The following HPGD variants were observed in gnomAD, a reference collection of about 807,000 sequenced individuals.
HPGD encodes the protein 15-hydroxyprostaglandin dehydrogenase [NAD(+)].
In HPGD, 29 loss-of-function variants were observed where a neutral mutation model predicts 30.0. That is an observed-to-expected ratio of 0.97 (90% CI 0.72 to 1.32). The LOEUF (loss-of-function observed/expected upper bound fraction) is 1.32, where lower values mean the gene tolerates loss of function less well. Ranked by LOEUF, HPGD falls within the 40% of genes most tolerant of loss-of-function variation. The pLI is 0.00. For synonymous variants in HPGD, 99 were observed against 112.4 expected (o/e 0.88, Z 0.75); for missense variants, 340 against 322.1 (o/e 1.06, Z -0.43).
At chr4:174,516,246 C>T (rs1351002765) in intron 3 of HPGD, among the ~76,000 whole-genome samples, 6 of 152,030 alleles carry the variant, frequency 3.9e-5, no homozygotes, top group Admixed American at 3.9e-4. Flanking sequence ...AACCTAGATG[C>T]CCATCAACGG....
At chr4:174,499,496 T>C (rs989380749) in intron 4 of HPGD, among the ~76,000 whole-genome samples, 33 of 152,136 alleles carry the variant, frequency 2.2e-4, no homozygotes, top group African/African-American at 7.2e-4. Context: ...TACCACCTTG[T>C]TTCTCTTTTC....
chr4:174,495,703 A>G (rs1734565094), intron 4 of HPGD, 79 bp from the exon 5 acceptor site: 2 of 952,926 alleles, frequency 2.1e-6, no homozygotes, highest in Admixed American at 1.9e-5. Context: ...AATGCAAATG[A>G]ATATTTTGTG....
chr4:174,515,338 G>A (rs1735716223), intron 3 of HPGD, among the ~76,000 whole-genome samples: 1 of 152,100 alleles, frequency 6.6e-6, no homozygotes, highest in Non-Finnish European at 1.5e-5. Context: ...GAACAGCATG[G>A]AGAAGCCAGA....
chr4:174,512,346 T>C (rs544374869), intron 3 of HPGD, among the ~76,000 whole-genome samples: 1 of 152,330 alleles, frequency 6.6e-6, no homozygotes, highest in Non-Finnish European at 1.5e-5. Flanking sequence ...TATGTATATA[T>C]TTAAATAATT....
intron 3 of HPGD, among the ~76,000 whole-genome samples, chr4:174,512,775 G>A (rs1489683364): frequency 6.6e-6 from 1 of 152,154 alleles, no homozygotes; most frequent in African/African-American, 2.4e-5. Context: ...GCTGAAAAGT[G>A]GCCTATGTCA....
At chr4:174,511,005 G>A (rs1735462672) in intron 3 of HPGD, among the ~76,000 whole-genome samples, 1 of 152,118 alleles carries the variant, frequency 6.6e-6, no homozygotes, top group South Asian at 2.1e-4. Flanking sequence ...CTATGCAGTG[G>A]CACTGTGCTG....
intron 2 of HPGD, 65 bp from the exon 3 acceptor site, chr4:174,518,142 C>T: frequency 2.5e-6 from 2 of 808,922 alleles, no homozygotes; most frequent in South Asian, 3.0e-5. Flanking sequence ...AAATCATGTC[C>T]TATGCCATGA....
chr4:174,515,589 C>G (rs545819094), intron 3 of HPGD, among the ~76,000 whole-genome samples: 2 of 143,414 alleles, frequency 1.4e-5, no homozygotes, highest in African/African-American at 2.7e-5. Context: ...GATGAAGTCT[C>G]CAAAAGCAAT....
At chr4:174,519,117 T>A (rs1735943977) in intron 2 of HPGD, among the ~76,000 whole-genome samples, 2 of 152,232 alleles carry the variant, frequency 1.3e-5, no homozygotes, top group African/African-American at 4.8e-5. Context: ...ACTATGCTAG[T>A]TGTTTACTAA....
intron 3 of HPGD, among the ~76,000 whole-genome samples, chr4:174,512,989 C>T (rs1475610104): frequency 2.0e-5 from 3 of 152,202 alleles, no homozygotes; most frequent in Non-Finnish European, 4.4e-5. Flanking sequence ...TGGATGAAGA[C>T]ATCAGTCGAA....
chr4:174,513,523 A>G (rs562440812), intron 3 of HPGD, among the ~76,000 whole-genome samples: 2 of 152,178 alleles, frequency 1.3e-5, no homozygotes, highest in Admixed American at 1.3e-4. Context: ...AAGGAATAGA[A>G]AAAGAATAAA....
chr4:174,516,980 G>C (rs1735811209), intron 3 of HPGD, among the ~76,000 whole-genome samples: 1 of 152,192 alleles, frequency 6.6e-6, no homozygotes, highest in South Asian at 2.1e-4. Context: ...AGGATATCAT[G>C]AAGTAGGAGG....
rs1448035730 is a variant in HPGD at position 174,522,472 on chromosome 4, G to A, written c.-21C>T. On this transcript the variant is annotated 5_prime_UTR_variant, in exon 1 of 7. Transcript: ENST00000296522. Reference sequence around the variant, plus strand: ...TGCATGGTGCAGCCACTGCTGGGGCGGGCGGTGGGCGAGCTCCGCGTCTCC... The same window carrying A: ...TGCATGGTGCAGCCACTGCTGGGGCAGGCGGTGGGCGAGCTCCGCGTCTCC... 2.0e-6 allele frequency: 3 copies of A among 1,528,628 alleles called. No homozygotes were observed. The South Asian group carries it at 3.6e-5, about 18-fold the overall frequency. The allele number at this position is 1,528,628 out of a possible 1,614,324, so 94.7% of individuals were successfully genotyped here.
chr4:174,515,153 TA>T (rs887243976), intron 3 of HPGD, among the ~76,000 whole-genome samples: 2 of 151,784 alleles, frequency 1.3e-5, no homozygotes, highest in South Asian at 2.1e-4. Context: ...TCCACAGAAT[TA>T]AAAAAAACAA....
intron 3 of HPGD, among the ~76,000 whole-genome samples, chr4:174,509,722 G>A (rs1735380842): frequency 6.6e-6 from 1 of 152,154 alleles, no homozygotes; most frequent in Non-Finnish European, 1.5e-5. Context: ...ACTCCGTGTT[G>A]TGTGAAATCA....
At chr4:174,500,769 T>G (rs1043472203) in intron 4 of HPGD, among the ~76,000 whole-genome samples, 63 of 151,988 alleles carry the variant, frequency 4.1e-4, no homozygotes, top group African/African-American at 1.5e-3. Context: ...GAGAACAGGG[T>G]TTTTAGGGTA....
At chr4:174,509,200 C>T (rs1269356105) in intron 3 of HPGD, among the ~76,000 whole-genome samples, 1 of 152,196 alleles carries the variant, frequency 6.6e-6, no homozygotes, top group Non-Finnish European at 1.5e-5. Flanking sequence ...CCACACTTAA[C>T]TACTCTGTTT....
intron 4 of HPGD, among the ~76,000 whole-genome samples, chr4:174,497,568 C>CTTTTCTTTTT (rs1553998366): frequency 9.8e-5 from 5 of 51,114 alleles, no homozygotes; most frequent in African/African-American, 2.7e-4. Flanking sequence ...CTTTTTCTTT[C>CTTTTCTTTTT]TTTTTTTTTT....
At position 174,491,753 on chromosome 4, in the gene HPGD, C is replaced by T. The variant is rs879607069; in HGVS notation, c.*203G>A. The stretch of plus-strand genomic sequence containing the variant: ...TTAGACTATCAAGATTACAACCTAG[C>T]CTTTGGTCCACATCACATTTTTAAT... On this transcript the variant is annotated 3_prime_UTR_variant, in exon 7 of 7. Transcript: ENST00000296522. The T allele has an allele frequency of 1.8e-6, 1 of 546,848 alleles. No individual in the cohort carries two copies. Among genetic ancestry groups the T allele is most frequent in the Non-Finnish European group, 3.3e-6 (1 of 304,664 alleles). 33.9% of individuals were successfully genotyped at this position (546,848 alleles called of 1,614,324 possible).
Sources: gnomAD v4.1 joint callset for allele counts (sites outside exome capture counted in the v4.1 genomes callset) on GRCh38, gnomAD v4.1.1 for gene constraint, MANE v1.5 for transcripts, NCBI Gene and HGNC (gene_info 2026-07-23, HGNC 2026-07-21) for gene names.